Variants in CBX1 observed in about 807,000 individuals in gnomAD.
CBX1 encodes the protein chromobox 1, also known as chromobox protein homolog 1.
A neutral mutation model predicts 25.1 loss-of-function variants in CBX1; 10 were observed. The observed-to-expected ratio is 0.40, with a 90% CI of 0.25 to 0.68. The LOEUF (loss-of-function observed/expected upper bound fraction) is 0.68, where lower values mean the gene tolerates loss of function less well. Among genes scored for constraint, CBX1 ranks in the 30% least tolerant of loss-of-function variants. CBX1 has a pLI of 0.40. For synonymous variants in CBX1, 63 were observed against 79.4 expected, an observed-to-expected ratio of 0.79 and a Z score of 1.10; for missense variants, 106 against 218.5, an observed-to-expected ratio of 0.49 and a Z score of 3.25.
chr17:48,100,801 C>T lies in CBX1; in HGVS notation c.-38+467G>A, dbSNP rs527863466. 3.6e-5 allele frequency: 35 copies of T among 985,616 alleles called. No homozygotes were observed. The African/African-American group carries it at 6.1e-4, about 17-fold the overall frequency. 61.1% of individuals were successfully genotyped at this position (985,616 alleles called of 1,614,324 possible). A position where few individuals can be genotyped will look rare whatever the true frequency, so the allele number is the denominator to read the frequency against. ...TTCCAATTCACTCGACGTTACTCCT[C>T]CGTAGTCCTGCAAAGCCAGGTTCCT... is the stretch of plus-strand genomic sequence containing the variant. On this transcript the variant is annotated intron_variant, in intron 1 of 4. Transcript: ENST00000225603.
Position 48,076,980 on chromosome 17 carries a change from T to A in CBX1, c.25A>T (p.Lys9Ter). 1 of 1,613,496 alleles carries A rather than the reference T, an allele frequency of 6.2e-7. No individual in the cohort carries two copies. The highest frequency in any genetic ancestry group is 8.5e-7 in the Non-Finnish European group (1 of 1,179,744). Residue 9 changes from lysine (K) to a stop codon, truncating the protein, a stop_gained, in exon 2 of 5, where the codon AAA (lysine) becomes TAA (stop). Transcript: ENST00000225603. LOFTEE classifies it high-confidence loss of function. Reference protein sequence around the residue: MGKKQNKKKVEEVLEEEEE... With the variant: MGKKQNKK ...TCCTCTTCTAGCACCTCCTCCACTTTCTTCTTGTTTTGTTTTTTCCCCATA... is the reference window on the plus strand; with the variant it reads ...TCCTCTTCTAGCACCTCCTCCACTTACTTCTTGTTTTGTTTTTTCCCCATA...
At chr17:48,100,001 T>C (rs1276951557) in intron 1 of CBX1, among the ~76,000 whole-genome samples, 1 of 151,560 alleles carries the variant, frequency 6.6e-6, no homozygotes, top group Non-Finnish European at 1.5e-5. Flanking sequence ...TAGCCGGGCG[T>C]GGTGGCGTGT....
At chr17:48,075,559 C>T (rs142855903) in intron 3 of CBX1, among the ~76,000 whole-genome samples, 5 of 152,226 alleles carry the variant, frequency 3.3e-5, no homozygotes, top group South Asian at 2.1e-4. Flanking sequence ...TGTTAGAATC[C>T]TTTGGAGTGA....
chr17:48,092,695 A>C (rs1027762580), intron 1 of CBX1, among the ~76,000 whole-genome samples: 1 of 151,772 alleles, frequency 6.6e-6, no homozygotes, highest in African/African-American at 2.4e-5. Flanking sequence ...CTCGTGATCC[A>C]CTTACCTCAG....
chr17:48,075,881 C>T, intron 3 of CBX1, 120 bp downstream of exon 3: 1 of 696,328 alleles, frequency 1.4e-6, no homozygotes, highest in Non-Finnish European at 2.3e-6. Flanking sequence ...AGGCATTAGC[C>T]TACCTAAGAT....
chr17:48,098,233 G>A (rs1222493863), intron 1 of CBX1, among the ~76,000 whole-genome samples: 1 of 148,730 alleles, frequency 6.7e-6, no homozygotes, highest in Non-Finnish European at 1.5e-5. Context: ...CCTGGCAACA[G>A]AGCGACACTC....
intron 1 of CBX1, among the ~76,000 whole-genome samples, chr17:48,077,454 GT>G (rs1555577819): frequency 6.1e-5 from 8 of 131,594 alleles, no homozygotes; most frequent in Non-Finnish European, 1.1e-4. Flanking sequence ...TGTTTTTTTT[GT>G]TTTTTTTTTT....
chr17:48,101,207 CCCGCCG>C (rs904648013), intron 1 of CBX1, 55 bp downstream of exon 1: 56 of 988,988 alleles, frequency 5.7e-5, no homozygotes, highest in Admixed American at 1.8e-4. Context: ...ACGCAGGGCT[CCCGCCG>C]CCGCCGCCGC....
chr17:48,079,875 T>G (rs570795213), intron 1 of CBX1, among the ~76,000 whole-genome samples: 3 of 152,086 alleles, frequency 2.0e-5, no homozygotes, highest in Non-Finnish European at 2.9e-5. Context: ...CTGTAAAAAT[T>G]TGGAAAACAA....
intron 1 of CBX1, among the ~76,000 whole-genome samples, chr17:48,089,045 A>G (rs144043117): frequency 0.015 from 2,221 of 152,182 alleles, 25 homozygotes; most frequent in Non-Finnish European, 0.022. Context: ...GGAACAGCAT[A>G]AATCTGAATC....
chr17:48,099,172 G>T (rs1345741764), intron 1 of CBX1, among the ~76,000 whole-genome samples: 1 of 151,896 alleles, frequency 6.6e-6, no homozygotes, highest in African/African-American at 2.4e-5. Flanking sequence ...TGCAGATCTC[G>T]GCTCACTGCA....
At chr17:48,092,452 ATCTC>A (rs112819713) in intron 1 of CBX1, among the ~76,000 whole-genome samples, 103,964 of 145,530 alleles carry the variant, frequency 0.71, 37,793 homozygotes, top group Admixed American at 0.81. Context: ...GCAAGACTCC[ATCTC>A]TCTCTCTCTC....
chr17:48,092,793 G>A (rs890771190), intron 1 of CBX1, among the ~76,000 whole-genome samples: 6 of 151,858 alleles, frequency 4.0e-5, no homozygotes, highest in South Asian at 2.1e-4. Flanking sequence ...TAATTAGGCC[G>A]GGCATGGTGG....
At chr17:48,088,651 A>G (rs540893305) in intron 1 of CBX1, 2 of 151,508 alleles carry the variant, frequency 1.3e-5, no homozygotes, top group South Asian at 2.1e-4. Flanking sequence ...AAAATTTCTT[A>G]CTTTTGATTT....
At chr17:48,076,229 C>G (rs765186928) in intron 2 of CBX1, 51 bp from the exon 3 acceptor site, 10 of 1,364,710 alleles carry the variant, frequency 7.3e-6, no homozygotes, top group African/African-American at 1.4e-5. Context: ...TAAGTATACT[C>G]ATACTAAGGA....
intron 1 of CBX1, among the ~76,000 whole-genome samples, chr17:48,094,812 C>T (rs985973975): frequency 4.0e-5 from 6 of 150,554 alleles, no homozygotes; most frequent in Admixed American, 3.3e-4. Flanking sequence ...TTTGGGAAGT[C>T]GAGGCGGGTG....
At chr17:48,097,186 G>A (rs571891720) in intron 1 of CBX1, among the ~76,000 whole-genome samples, 6 of 151,882 alleles carry the variant, frequency 4.0e-5, no homozygotes, top group African/African-American at 1.2e-4. Flanking sequence ...CCGAGGAGGC[G>A]GAGGTTGCAG....
Position 48,076,777 on chromosome 17 carries a change from T to C in CBX1, c.140+88A>G. The C allele has an allele frequency of 6.7e-6, 8 of 1,194,144 alleles. No individual in the cohort carries two copies. The South Asian group carries it at 8.7e-5, about 13-fold the overall frequency. The allele number at this position is 1,194,144 out of a possible 1,614,324, so 74.0% of individuals were successfully genotyped here. ...TGAAGGTGGGGACTGAGTCACACTG[T>C]ATCCATCATAGCACTGGAGGTCTCA... On this transcript the variant is annotated intron_variant, in intron 2 of 4. Coordinates refer to ENST00000225603, the MANE Select transcript of CBX1 (RefSeq NM_001127228.2).
intron 1 of CBX1, among the ~76,000 whole-genome samples, chr17:48,090,175 T>C (rs922449214): frequency 6.6e-6 from 1 of 152,078 alleles, no homozygotes; most frequent in Non-Finnish European, 1.5e-5. Context: ...GTGCTGGGAT[T>C]ACAGGCACGA....
Sources: allele counts gnomAD v4.1 joint callset (sites outside exome capture counted in the v4.1 genomes callset), GRCh38; gene constraint gnomAD v4.1.1; transcripts MANE v1.5; gene names NCBI Gene and HGNC (gene_info 2026-07-23, HGNC 2026-07-21).